Variants in MYO1D observed in about 807,000 individuals in gnomAD.
MYO1D encodes the protein myosin ID.
MYO1D carries 83 observed loss-of-function variants against 122.0 expected under a neutral mutation model. The ratio of observed to expected loss-of-function variants is 0.68; its 90% confidence interval spans 0.57 to 0.82. The LOEUF is 0.82. MYO1D is among the 40% of genes least tolerant of loss of function. The pLI, the probability that MYO1D is intolerant of heterozygous loss-of-function variation, is 0.00. For missense variants in MYO1D, 1,157 were observed against 1,269.5 expected, an observed-to-expected ratio of 0.91 and a Z score of 1.35; for synonymous variants, 464 against 446.9, an observed-to-expected ratio of 1.04 and a Z score of -0.48.
intron 1 of MYO1D, among the ~76,000 whole-genome samples, chr17:32,791,990 A>G (rs1220928808): frequency 2.6e-5 from 4 of 152,112 alleles, no homozygotes; most frequent in Non-Finnish European, 1.5e-5. Context: ...TAAAATGTTT[A>G]TCTTGGCAAA....
rs192640224 is a variant in MYO1D at position 32,838,476 on chromosome 17, C to T, written c.95+38302G>A. Reference sequence around the variant, plus strand: ...TAGATTGTAGGGATAAAACAGGGAACGAGACATAGTGACTAGATAGTCACT... The same window carrying T: ...TAGATTGTAGGGATAAAACAGGGAATGAGACATAGTGACTAGATAGTCACT... On this transcript the variant is annotated intron_variant, in intron 1 of 21. Transcript: ENST00000318217. 2.8e-3 allele frequency among the ~76,000 whole-genome samples: 426 copies of T among 152,110 alleles called. 4 individuals are homozygous for T. The highest frequency in any genetic ancestry group is 8.9e-3 in the African/African-American group (369 of 41,498).
At chr17:32,833,154 T>C (rs2090788300) in intron 1 of MYO1D, among the ~76,000 whole-genome samples, 1 of 152,186 alleles carries the variant, frequency 6.6e-6, no homozygotes, top group Admixed American at 6.5e-5. Flanking sequence ...ATGTTAACAC[T>C]GAGCCCCTGA....
intron 1 of MYO1D, among the ~76,000 whole-genome samples, chr17:32,795,913 G>A (rs2090411251): frequency 6.6e-6 from 1 of 151,970 alleles, no homozygotes; most frequent in Non-Finnish European, 1.5e-5. Context: ...CAGCCCGCCT[G>A]CACCCAGGTG....
intron 21 of MYO1D, among the ~76,000 whole-genome samples, chr17:32,525,191 G>A (rs1910301048): frequency 6.6e-6 from 1 of 152,214 alleles, no homozygotes; most frequent in South Asian, 2.1e-4. Context: ...TTATTTGGCT[G>A]TCAGTTGATA....
intron 1 of MYO1D, among the ~76,000 whole-genome samples, chr17:32,874,642 G>T (rs940034615): frequency 6.6e-6 from 1 of 152,084 alleles, no homozygotes; most frequent in Non-Finnish European, 1.5e-5. Flanking sequence ...GCAGCATTCG[G>T]CCGGGCATGG....
chr17:32,578,528 G>T (rs944582780), intron 21 of MYO1D, among the ~76,000 whole-genome samples: 2 of 152,340 alleles, frequency 1.3e-5, no homozygotes, highest in East Asian at 3.9e-4. Context: ...TCCTGAACTT[G>T]TGCAGTATGA....
intron 17 of MYO1D, among the ~76,000 whole-genome samples, chr17:32,657,991 G>GA (rs1187486923): frequency 6.6e-6 from 1 of 151,908 alleles, no homozygotes; most frequent in Non-Finnish European, 1.5e-5. Flanking sequence ...TAAAAAAGGG[G>GA]AAAAAAATGC....
intron 20 of MYO1D, among the ~76,000 whole-genome samples, chr17:32,608,711 C>T (rs1204360053): frequency 6.6e-6 from 1 of 152,162 alleles, no homozygotes; most frequent in Non-Finnish European, 1.5e-5. Context: ...ATGTTTACAG[C>T]AGCTCTACTA....
intron 21 of MYO1D, among the ~76,000 whole-genome samples, chr17:32,560,916 CTT>C (rs575644563): frequency 2.0e-4 from 27 of 132,260 alleles, no homozygotes; most frequent in Non-Finnish European, 2.6e-4. Flanking sequence ...CTATGCGTGG[CTT>C]TTTTTTTTTT....
chr17:32,773,026 C>A (rs1403597753), intron 4 of MYO1D, among the ~76,000 whole-genome samples, 184 bp from the exon 5 acceptor site: 1 of 152,214 alleles, frequency 6.6e-6, no homozygotes, highest in Non-Finnish European at 1.5e-5. Context: ...TAACTAATGA[C>A]ATTTGGTGCC....
At chr17:32,496,323 T>C (rs770636254) in intron 21 of MYO1D, 1 of 152,290 alleles carries the variant, frequency 6.6e-6, no homozygotes, top group Non-Finnish European at 1.5e-5. Context: ...GCTCTCCTCA[T>C]GGCTGTCTCC....
chr17:32,780,325 T>C (rs1201884207), intron 2 of MYO1D, among the ~76,000 whole-genome samples: 1 of 152,182 alleles, frequency 6.6e-6, no homozygotes, highest in Non-Finnish European at 1.5e-5. Context: ...ATTTTCCATG[T>C]CAGCTCAATC....
At chr17:32,632,576 TATATATATATACACACAC>T (rs892197839) in intron 20 of MYO1D, 9 of 109,064 alleles carry the variant, frequency 8.3e-5, no homozygotes, top group African/African-American at 4.3e-4. Flanking sequence ...TATATATATA[TATATATATATACACACAC>T]ACACACACAC....
intron 20 of MYO1D, among the ~76,000 whole-genome samples, chr17:32,621,725 C>T (rs1350105513): frequency 6.6e-6 from 1 of 152,126 alleles, no homozygotes; most frequent in Non-Finnish European, 1.5e-5. Context: ...CTGTGACCTC[C>T]CATATGTTGA....
chr17:32,721,274 T>A, intron 14 of MYO1D, 85 bp from the exon 15 acceptor site: 1 of 1,298,036 alleles, frequency 7.7e-7, no homozygotes, highest in Non-Finnish European at 1.1e-6. Flanking sequence ...GTGTTAATTG[T>A]GTCAAGTTAA....
intron 6 of MYO1D, among the ~76,000 whole-genome samples, chr17:32,769,987 T>C (rs892840074): frequency 3.9e-5 from 6 of 152,202 alleles, no homozygotes; most frequent in African/African-American, 1.4e-4. Flanking sequence ...TTCCAGGTGT[T>C]GATTTCACAA....
At chr17:32,569,408 G>T (rs1360106265) in intron 21 of MYO1D, among the ~76,000 whole-genome samples, 1 of 152,242 alleles carries the variant, frequency 6.6e-6, no homozygotes, top group Non-Finnish European at 1.5e-5. Flanking sequence ...CTTACATGTG[G>T]TGTTCTCAGA....
chr17:32,729,815 T>C (rs1364399104), intron 14 of MYO1D, among the ~76,000 whole-genome samples: 2 of 152,070 alleles, frequency 1.3e-5, no homozygotes, highest in African/African-American at 2.4e-5. Flanking sequence ...ACCAGGGAGA[T>C]AAAGGTGAAT....
intron 8 of MYO1D, among the ~76,000 whole-genome samples, chr17:32,761,113 C>G (rs1314204093): frequency 6.6e-6 from 1 of 152,198 alleles, no homozygotes; most frequent in East Asian, 1.9e-4. Flanking sequence ...GAATCGAACA[C>G]ACATCCAATG....
Sources: gnomAD v4.1 joint callset for allele counts (sites outside exome capture counted in the v4.1 genomes callset) on GRCh38, gnomAD v4.1.1 for gene constraint, MANE v1.5 for transcripts, NCBI Gene and HGNC (gene_info 2026-07-23, HGNC 2026-07-21) for gene names.